The following TUB variants were observed in gnomAD, a reference collection of about 807,000 sequenced individuals.
TUB encodes tubby protein homolog.
TUB carries 33 observed loss-of-function variants against 59.7 expected under a neutral mutation model. That is an observed-to-expected ratio of 0.55 (90% CI 0.42 to 0.74). TUB has a LOEUF of 0.74. Among genes scored for constraint, TUB ranks in the 30% least tolerant of loss-of-function variants. The pLI is 0.00. For missense variants in TUB, 659 were observed against 672.0 expected (o/e 0.98, Z 0.21); for synonymous variants, 293 against 256.4 (o/e 1.14, Z -1.36).
intron 2 of TUB, among the ~76,000 whole-genome samples, chr11:8,069,689 T>G (rs950341716): frequency 6.6e-6 from 1 of 152,200 alleles, no homozygotes. Flanking sequence ...TTTGTTTTTG[T>G]TTTTTGCTGT....
intron 1 of TUB, among the ~76,000 whole-genome samples, chr11:8,024,328 C>G (rs1942471623): frequency 6.6e-6 from 1 of 152,228 alleles, no homozygotes. Flanking sequence ...GATGTCACCA[C>G]TTTCATGGTC....
intron 2 of TUB, among the ~76,000 whole-genome samples, chr11:8,047,745 C>T (rs529781605): frequency 3.3e-5 from 5 of 152,276 alleles, no homozygotes; most frequent in African/African-American, 1.2e-4. Flanking sequence ...CAAACCTGCA[C>T]GGAGCCTGAG....
intron 2 of TUB, among the ~76,000 whole-genome samples, chr11:8,041,139 C>CT (rs1297362624): frequency 6.6e-6 from 1 of 152,218 alleles, no homozygotes; most frequent in African/African-American, 2.4e-5. Flanking sequence ...AACTGTATGT[C>CT]TACAGCTGAT....
Position 8,102,829 on chromosome 11 carries a change from G to A in TUB, c.*1210G>A, listed in dbSNP as rs543701854. 5 of 152,300 alleles carry A rather than the reference G, an allele frequency of 3.3e-5. No homozygotes were observed. The highest frequency in any genetic ancestry group is 1.9e-4 in the East Asian group (1 of 5,180). The allele number at this position is 152,300 out of a possible 1,614,324, so 9.4% of individuals were successfully genotyped here. On this transcript the variant is annotated 3_prime_UTR_variant, in exon 12 of 12. Transcript: ENST00000299506. Reference sequence around the variant, plus strand: ...GGGGCTTGCCCTGGGTCACCTAGCTGGTTAATGGCAGCATTCAGAACTTCA... The same window carrying A: ...GGGGCTTGCCCTGGGTCACCTAGCTAGTTAATGGCAGCATTCAGAACTTCA...
At chr11:8,061,593 C>G (rs561740714) in intron 2 of TUB, among the ~76,000 whole-genome samples, 2 of 152,094 alleles carry the variant, frequency 1.3e-5, no homozygotes, top group African/African-American at 2.4e-5. Flanking sequence ...AGGACGAGGA[C>G]AGTCGGCTCA....
intron 6 of TUB, 122 bp downstream of exon 6, chr11:8,096,928 C>G (rs1944020258): frequency 8.9e-7 from 1 of 1,124,456 alleles, no homozygotes; most frequent in Non-Finnish European, 1.3e-6. Context: ...CCTCTTATGT[C>G]CCTCTACCTT....
chr11:8,040,481 C>T (rs867671628), intron 2 of TUB, among the ~76,000 whole-genome samples: 17 of 152,098 alleles, frequency 1.1e-4, no homozygotes, highest in African/African-American at 2.2e-4. Flanking sequence ...ATGTCAGTCC[C>T]GGGTTTCTGA....
chr11:8,019,343 G>T (rs1442851682), exon 1 of TUB: 6 of 1,277,946 alleles, frequency 4.7e-6, no homozygotes, highest in Non-Finnish European at 5.9e-6. Context: ...TCTTACAGCC[G>T]CTGGAGCTAT....
At chr11:8,053,887 AG>A (rs1942973309) in intron 2 of TUB, among the ~76,000 whole-genome samples, 1 of 149,660 alleles carries the variant, frequency 6.7e-6, no homozygotes, top group African/African-American at 2.4e-5. Context: ...AGGCCAAGGC[AG>A]GCAGATCAAG....
intron 2 of TUB, among the ~76,000 whole-genome samples, chr11:8,072,935 C>A (rs936867207): frequency 6.6e-6 from 1 of 152,194 alleles, no homozygotes; most frequent in Admixed American, 6.5e-5. Context: ...CTCCTAACAG[C>A]CCTGCTTTAA....
chr11:8,020,039 G>A (rs1232289550), intron 1 of TUB, among the ~76,000 whole-genome samples: 2 of 152,212 alleles, frequency 1.3e-5, no homozygotes, highest in Non-Finnish European at 2.9e-5. Flanking sequence ...ATCCTCCCAG[G>A]CGAAATGAAA....
At chr11:8,099,765 C>T (rs575622184) in intron 9 of TUB, among the ~76,000 whole-genome samples, 5 of 152,148 alleles carry the variant, frequency 3.3e-5, no homozygotes, top group African/African-American at 4.8e-5. Context: ...GCAGGGAGGG[C>T]GTCACTGAGG....
chr11:8,089,831 C>T (rs934300404), intron 2 of TUB, among the ~76,000 whole-genome samples, 170 bp downstream of exon 2: 2 of 152,250 alleles, frequency 1.3e-5, no homozygotes, highest in Non-Finnish European at 2.9e-5. Context: ...AACCCTGCCG[C>T]GGCACATGGG....
intron 4 of TUB, among the ~76,000 whole-genome samples, chr11:8,095,005 C>T (rs1943922477): frequency 6.6e-6 from 1 of 152,190 alleles, no homozygotes; most frequent in African/African-American, 2.4e-5. Context: ...TTTGGGAAGG[C>T]GAGTGTATGC....
chr11:8,041,570 A>C (rs1417140090), intron 2 of TUB, among the ~76,000 whole-genome samples: 2 of 152,292 alleles, frequency 1.3e-5, no homozygotes, highest in African/African-American at 4.8e-5. Flanking sequence ...GGATCATTTG[A>C]AACTGTTCCA....
Position 8,024,037 on chromosome 11 carries a change from A to G in TUB, c.56+4679A>G, listed in dbSNP as rs114649630. Among the ~76,000 whole-genome samples the G allele has an allele frequency of 8.7e-3, 1,322 of 152,312 alleles. 22 individuals carry two copies. Among genetic ancestry groups the G allele is most frequent in the African/African-American group, 0.03 (1,240 of 41,558 alleles). On this transcript the variant is annotated intron_variant, in intron 1 of 11. Transcript: ENST00000534099. ...TTGCTTCACTTCTAATCTCATACAC[A>G]TGAATTGCCAGCTCTCTGACCTCAG...
chr11:8,064,920 G>C (rs868415801), intron 2 of TUB, among the ~76,000 whole-genome samples: 3 of 152,212 alleles, frequency 2.0e-5, no homozygotes, highest in South Asian at 2.1e-4. Context: ...AGCAGTTATG[G>C]ATACTCAAAG....
chr11:8,056,253 A>G (rs754749560), intron 2 of TUB, among the ~76,000 whole-genome samples: 8 of 151,630 alleles, frequency 5.3e-5, no homozygotes, highest in Non-Finnish European at 1.0e-4. Flanking sequence ...GATGCCCCTC[A>G]CTCTCCTTAA....
At chr11:8,093,817 A>T (rs1354633962) in intron 3 of TUB, among the ~76,000 whole-genome samples, 1 of 152,088 alleles carries the variant, frequency 6.6e-6, no homozygotes, top group East Asian at 1.9e-4. Context: ...TGTTGACTTG[A>T]TTACACTGGG....
Sources: gnomAD v4.1 joint callset for allele counts (sites outside exome capture counted in the v4.1 genomes callset) on GRCh38, gnomAD v4.1.1 for gene constraint, MANE v1.5 for transcripts, NCBI Gene and HGNC (gene_info 2026-07-23, HGNC 2026-07-21) for gene names.